SLC1A7: variants seen among roughly 807,000 people sequenced by gnomAD.
The protein encoded by SLC1A7 is solute carrier family 1 member 7.
In SLC1A7, 40 loss-of-function variants were observed where a neutral mutation model predicts 47.7. The ratio of observed to expected loss-of-function variants is 0.84; its 90% CI spans 0.65 to 1.09. The LOEUF (loss-of-function observed/expected upper bound fraction) is 1.09, where lower values mean the gene tolerates loss of function less well. Among genes scored for constraint, SLC1A7 ranks in the 50% least tolerant of loss-of-function variants. The pLI, the probability that SLC1A7 is intolerant of heterozygous loss-of-function variation, is 0.00. For synonymous variants in SLC1A7, 323 were observed against 325.6 expected, an observed-to-expected ratio of 0.99 and a Z score of 0.09; for missense variants, 746 against 769.5, an observed-to-expected ratio of 0.97 and a Z score of 0.36.
Position 53,127,794 on chromosome 1 carries a change from C to T in SLC1A7, c.215+6556G>A, listed in dbSNP as rs1644899189. The stretch of plus-strand genomic sequence containing the variant: ...TGGCTCCACTGCACAGCTGTCAATG[C>T]TGGGCCCTCAGGCAGCAGCCATGGG... On this transcript the variant is annotated intron_variant, in intron 2 of 10. Transcript: ENST00000371494. 2.0e-5 allele frequency among the ~76,000 whole-genome samples: 3 copies of T among 152,076 alleles called. No individual in the cohort carries two copies. In the South Asian group the frequency reaches 6.2e-4, roughly 32 times the overall value.
intron 5 of SLC1A7, among the ~76,000 whole-genome samples, chr1:53,097,523 G>A (rs3766769): frequency 0.065 from 9,270 of 143,494 alleles, 389 homozygotes; most frequent in East Asian, 0.17. Context: ...CACACACCCT[G>A]CCTTGGTACA....
chr1:53,106,776 C>G (rs1187624330), intron 3 of SLC1A7, among the ~76,000 whole-genome samples: 1 of 152,174 alleles, frequency 6.6e-6, no homozygotes, highest in African/African-American at 2.4e-5. Flanking sequence ...TGCTGTGCAG[C>G]TGACCAACGG....
intron 3 of SLC1A7, among the ~76,000 whole-genome samples, chr1:53,110,598 T>A (rs959009217): frequency 2.0e-5 from 3 of 152,154 alleles, no homozygotes. Flanking sequence ...CAGGCAGTGG[T>A]GAAGGAGGCA....
chr1:53,087,746 TCACCGGGCTCA>T lies in SLC1A7; in HGVS notation c.*252_*262del, dbSNP rs565190335. On this transcript the variant is annotated 3_prime_UTR_variant, in exon 11 of 11. Transcript: ENST00000371494. ...GCCGGATAACCCCTGCCTGCCGCCC[TCACCGGGCTCA>T]CACCGGGGAAACTGTCACAGCGGGG... 141 of 325,992 alleles carry T rather than the reference TCACCGGGCTCA, an allele frequency of 4.3e-4. No homozygotes were observed. The highest frequency in any genetic ancestry group is 2.7e-3 in the African/African-American group (128 of 47,448). 20.2% of individuals were successfully genotyped at this position (325,992 alleles called of 1,614,324 possible).
Position 53,087,191 on chromosome 1 carries a change from A to G in SLC1A7, c.*818T>C, listed in dbSNP as rs1043299742. 1 of 152,258 alleles carries G rather than the reference A, an allele frequency of 6.6e-6. No homozygotes were observed. The highest frequency in any genetic ancestry group is 1.5e-5 in the Non-Finnish European group (1 of 68,050). 9.4% of individuals were successfully genotyped at this position (152,258 alleles called of 1,614,324 possible). A position where few individuals can be genotyped will look rare whatever the true frequency, so the allele number is the denominator to read the frequency against. ...TTGAAGCCCACAAGAAGTGAAAAAC[A>G]AAATACCTTTATTTAGTTAACACTG... On this transcript the variant is annotated 3_prime_UTR_variant, in exon 11 of 11. Transcript: ENST00000371494.
intron 4 of SLC1A7, among the ~76,000 whole-genome samples, chr1:53,105,315 G>A (rs1644627361): frequency 6.6e-6 from 1 of 152,134 alleles, no homozygotes; most frequent in Admixed American, 6.5e-5. Context: ...AAGAAGATAG[G>A]CCTGGGTTTA....
intron 2 of SLC1A7, among the ~76,000 whole-genome samples, chr1:53,126,685 G>A (rs890232199): frequency 5.9e-5 from 9 of 152,168 alleles, no homozygotes; most frequent in African/African-American, 2.2e-4. Flanking sequence ...CCAGCTCTGG[G>A]GCCCAGACAG....
rs116858693 is a variant in SLC1A7, at chr1:53,133,086, A to G, written c.215+1264T>C. Reference sequence around the variant, plus strand: ...ATGGAGGGGCAGAAAGCAGGCAAAAAGTTAGAAGAGTGTGAGTCCATAGGG... The same window carrying G: ...ATGGAGGGGCAGAAAGCAGGCAAAAGGTTAGAAGAGTGTGAGTCCATAGGG... On this transcript the variant is annotated intron_variant, in intron 2 of 10. Coordinates refer to ENST00000371494, the MANE Select transcript of SLC1A7 (RefSeq NM_006671.6). Among the ~76,000 whole-genome samples the G allele has an allele frequency of 8.7e-4, 133 of 152,290 alleles. 3 individuals are homozygous for G. In the East Asian group the frequency reaches 0.023, roughly 27 times the overall value.
intron 2 of SLC1A7, among the ~76,000 whole-genome samples, chr1:53,133,549 TGAA>T (rs10537909): frequency 0.084 from 12,705 of 152,052 alleles, 687 homozygotes; most frequent in African/African-American, 0.16. Flanking sequence ...TCCTGGAAGA[TGAA>T]GATTTCTCAT....
chr1:53,115,287 G>T, intron 2 of SLC1A7: 1 of 417,560 alleles, frequency 2.4e-6, no homozygotes, highest in Non-Finnish European at 4.4e-6. Context: ...AAGGAAATGC[G>T]TGTGCTTTAC....
intron 1 of SLC1A7, among the ~76,000 whole-genome samples, chr1:53,140,853 C>T (rs1645050185): frequency 6.6e-6 from 1 of 152,190 alleles, no homozygotes; most frequent in African/African-American, 2.4e-5. Context: ...CTCCAGAGTC[C>T]ATGCTTCTTC....
chr1:53,119,548 C>G (rs561722942), intron 2 of SLC1A7, among the ~76,000 whole-genome samples: 2 of 152,142 alleles, frequency 1.3e-5, no homozygotes, highest in East Asian at 1.9e-4. Context: ...ATGGGGGTAT[C>G]TTGATGATGC....
In SLC1A7 at chr1:53,114,835, G is replaced by A. The variant is rs1156711892; in HGVS notation, c.354C>T (p.Ser118=). 22 of 1,614,024 alleles carry A rather than the reference G, an allele frequency of 1.4e-5. No individual in the cohort carries two copies. The highest frequency in any genetic ancestry group is 8.3e-5 in the Admixed American group (5 of 59,994). Residue 118 remains serine, a synonymous_variant, in exon 3 of 11, where the codon AGC becomes AGT. Coordinates refer to ENST00000371494, the MANE Select transcript of SLC1A7 (RefSeq NM_006671.6). ...IFMVSIIHPG[S]AAQKETTEQS... ...GCTCCGTGGTCTCCTTCTGGGCCGC[G>A]CTGCCTGGGTGGATGATGGAGACCA...
intron 3 of SLC1A7, among the ~76,000 whole-genome samples, chr1:53,109,727 CA>C (rs747556689): frequency 2.6e-5 from 4 of 152,176 alleles, no homozygotes; most frequent in Admixed American, 6.5e-5. Context: ...CCCTCACTGC[CA>C]GTGTCCCCAT....
intron 2 of SLC1A7, among the ~76,000 whole-genome samples, chr1:53,121,368 T>G (rs1383620607): frequency 6.6e-6 from 1 of 152,186 alleles, no homozygotes; most frequent in African/African-American, 2.4e-5. Context: ...CTTAGGGGAA[T>G]GCCCACGGTG....
rs557329084 is a variant in SLC1A7, at chr1:53,090,083, C to T, written c.1227-149G>A. 2.1e-5 allele frequency: 16 copies of T among 767,192 alleles called. 1 individual carries two copies. In the Middle Eastern group the frequency reaches 9.1e-4, roughly 43 times the overall value. The allele number at this position is 767,192 out of a possible 1,614,324, so 47.5% of individuals were successfully genotyped here. ...TAGGAATGCCACACCAGGGAGCTCT[C>T]GGGGTCAAGTCCCTCCTCACAGTCC... On this transcript the variant is annotated intron_variant, in intron 8 of 10. Coordinates refer to ENST00000371494, the MANE Select transcript of SLC1A7 (RefSeq NM_006671.6).
rs1403578544 is a variant in SLC1A7, at chr1:53,088,068, G to A, written c.1624C>T (p.Pro542Ser). 6.2e-7 allele frequency: 1 copy of A among 1,605,976 alleles called. No individual in the cohort carries two copies. Among genetic ancestry groups the A allele is most frequent in the Non-Finnish European group, 8.5e-7 (1 of 1,174,994 alleles). Residue 542 changes from proline (P) to serine (S), a missense_variant, in exon 11 of 11, where the codon CCC (proline) becomes TCC (serine). Coordinates refer to ENST00000371494, the MANE Select transcript of SLC1A7 (RefSeq NM_006671.6). ...GTGCAGTGGTTCAGACTCGCAGCGG[G>A]CAGCTCCTCATCCTGCTCCACTTGA... ...PVQVEQDEEL[P>S]AASLNHCTIQ...
rs567355434 is a variant in SLC1A7 at position 53,109,198 on chromosome 1, T to G, written c.432-3424A>C. Reference sequence around the variant, plus strand: ...ACCGAGATGCTTCCAAACCCACCCCTAATAACATGTCCCCAAACCAAGCCC... The same window carrying G: ...ACCGAGATGCTTCCAAACCCACCCCGAATAACATGTCCCCAAACCAAGCCC... On this transcript the variant is annotated intron_variant, in intron 3 of 10. Transcript: ENST00000371494. Among the ~76,000 whole-genome samples, 8 of 152,094 alleles carry G rather than the reference T, an allele frequency of 5.3e-5. No homozygotes were observed. In the South Asian group the frequency reaches 1.7e-3, roughly 32 times the overall value.
chr1:53,130,093 A>G (rs1346508411), intron 2 of SLC1A7, among the ~76,000 whole-genome samples: 5 of 152,198 alleles, frequency 3.3e-5, no homozygotes, highest in African/African-American at 4.8e-5. Flanking sequence ...CCGTGAGGTC[A>G]CTGAGCTAAC....
Sources: gnomAD v4.1 joint callset for allele counts (sites outside exome capture counted in the v4.1 genomes callset) on GRCh38, gnomAD v4.1.1 for gene constraint, MANE v1.5 for transcripts, NCBI Gene and HGNC (gene_info 2026-07-23, HGNC 2026-07-21) for gene names.